Variants in SARM1 observed in about 807,000 individuals in gnomAD.
SARM1 encodes sterile alpha and TIR motif containing 1, also known as NAD(+) hydrolase SARM1.
SARM1 carries 60 observed loss-of-function variants against 65.1 expected under a neutral mutation model. That is an observed-to-expected ratio of 0.92 (90% CI 0.75 to 1.14). The LOEUF is 1.14. Ranked by LOEUF, SARM1 falls within the 50% of genes most tolerant of loss-of-function variation. The pLI, the probability that SARM1 is intolerant of heterozygous loss-of-function variation, is 0.00. For missense variants in SARM1, 913 were observed against 1,015.7 expected (o/e 0.90, Z 1.37); for synonymous variants, 417 against 465.4 (o/e 0.90, Z 1.34).
chr17:28,387,873 G>A, intron 5 of SARM1: 1 of 413,650 alleles, frequency 2.4e-6, no homozygotes, highest in Non-Finnish European at 4.4e-6. Context: ...GGGGTGTGTT[G>A]AATTTGGAGT....
At chr17:28,373,400 T>TG (rs1334206804) in intron 1 of SARM1, 1 of 152,260 alleles carries the variant, frequency 6.6e-6, no homozygotes, top group African/African-American at 2.4e-5. Flanking sequence ...GAAGAGTTTT[T>TG]GGAAGAGTCA....
In SARM1 at chr17:28,400,565, G is replaced by A; in HGVS notation, c.*4279G>A. Reference sequence around the variant, plus strand: ...TGGGAGGAGAAGAGGAAACTTTTAAGAGAAAGGGCTCCATTATGAGCATGG... The same window carrying A: ...TGGGAGGAGAAGAGGAAACTTTTAAAAGAAAGGGCTCCATTATGAGCATGG... On this transcript the variant is annotated 3_prime_UTR_variant, in exon 9 of 9. Coordinates refer to ENST00000585482, the MANE Select transcript of SARM1 (RefSeq NM_015077.4). The A allele has an allele frequency of 6.2e-7, 1 of 1,606,922 alleles. No homozygotes were observed. The highest frequency in any genetic ancestry group is 8.5e-7 in the Non-Finnish European group (1 of 1,176,042).
chr17:28,393,720 T>A (rs1555587243), intron 7 of SARM1, among the ~76,000 whole-genome samples: 1 of 152,250 alleles, frequency 6.6e-6, no homozygotes, highest in East Asian at 1.9e-4. Context: ...TTCTCATTCA[T>A]TCATTCATCC....
rs1182499834 is a variant in SARM1, at chr17:28,397,209, G to C, written c.*923G>C. ...CAGAACCTGCAGCTCTGTGGAAAGA[G>C]GCAAAGTCCTGAAAAGGCAAAGGGT... On this transcript the variant is annotated 3_prime_UTR_variant, in exon 9 of 9. Coordinates refer to ENST00000585482, the MANE Select transcript of SARM1 (RefSeq NM_015077.4). 1 of 152,716 alleles carries C rather than the reference G, an allele frequency of 6.5e-6. No homozygotes were observed. The highest frequency in any genetic ancestry group is 1.5e-5 in the Non-Finnish European group (1 of 68,096). The allele number at this position is 152,716 out of a possible 1,614,324, so 9.5% of individuals were successfully genotyped here. A position where few individuals can be genotyped will look rare whatever the true frequency, so the allele number is the denominator to read the frequency against.
Position 28,388,541 on chromosome 17 carries a change from T to C in SARM1, c.1923+2T>C, listed in dbSNP as rs782432477. ...GACTGCAAGGATTGGGTGCATAAGG[T>C]AGGTGCCTGCCTATGCTTCTGCGGT... is the stretch of plus-strand genomic sequence containing the variant. On this transcript the variant is annotated splice_donor_variant, in intron 7 of 8. Coordinates refer to ENST00000585482, the MANE Select transcript of SARM1 (RefSeq NM_015077.4). LOFTEE classifies it high-confidence loss of function. The C allele has an allele frequency of 6.2e-7, 1 of 1,612,178 alleles. No individual in the cohort carries two copies. The highest frequency in any genetic ancestry group is 1.1e-5 in the South Asian group (1 of 91,068).
chr17:28,384,342 C>T lies in SARM1; in HGVS notation c.1090-15C>T. ...GCTGGTGGGACCTACAGCCCTCTCC[C>T]CACTCCCTCCCTAGGTGTTCAGCGA... is the stretch of plus-strand genomic sequence containing the variant. On this transcript the variant is annotated splice_polypyrimidine_tract_variant and intron_variant, in intron 2 of 8. Transcript: ENST00000585482. This position sits in a 1 kb window ranked among gnomAD's most constrained non-coding sequence, Gnocchi z 4.4. 5 of 1,558,278 alleles carry T rather than the reference C, an allele frequency of 3.2e-6. No homozygotes were observed. Among genetic ancestry groups the T allele is most frequent in the Non-Finnish European group, 4.3e-6 (5 of 1,150,318 alleles).
chr17:28,401,328 T>C lies in SARM1; in HGVS notation c.*5042T>C, dbSNP rs1157181993. 5 of 160,280 alleles carry C rather than the reference T, an allele frequency of 3.1e-5. No individual in the cohort carries two copies. The highest frequency in any genetic ancestry group is 1.2e-4 in the African/African-American group (5 of 41,506). 9.9% of individuals were successfully genotyped at this position (160,280 alleles called of 1,614,324 possible). On this transcript the variant is annotated 3_prime_UTR_variant, in exon 9 of 9. Transcript: ENST00000585482. The stretch of plus-strand genomic sequence containing the variant: ...GAAGTAGCTAGTTAGTAAGGGCTGT[T>C]CTTTTCTCCTGTTTCTCTTGACATC...
chr17:28,388,858 C>A (rs968956261), intron 7 of SARM1, among the ~76,000 whole-genome samples: 11 of 151,596 alleles, frequency 7.3e-5, no homozygotes, highest in Non-Finnish European at 7.4e-5. Context: ...GCAAGCTCCA[C>A]CTCCCGGGTT....
At position 28,388,459 on chromosome 17, in the gene SARM1, C is replaced by T. The variant is rs782159743; in HGVS notation, c.1843C>T (p.Arg615Cys). The T allele has an allele frequency of 2.0e-5, 32 of 1,613,846 alleles. No individual in the cohort carries two copies. The East Asian group carries it at 2.5e-4, about 12-fold the overall frequency. Residue 615 changes from arginine to cysteine, a missense_variant, in exon 7 of 9, where the codon CGC (arginine) becomes TGC (cysteine). Coordinates refer to ENST00000585482, the MANE Select transcript of SARM1 (RefSeq NM_015077.4). ...DKLIQSVMGA[R>C]NFVLVLSPGA... ...ACTCATCCAGAGTGTCATGGGTGCC[C>T]GCAACTTTGTGTTGGTGCTATCACC...
At chr17:28,391,725 A>AG (rs1159368980) in intron 7 of SARM1, among the ~76,000 whole-genome samples, 10 of 139,910 alleles carry the variant, frequency 7.1e-5, no homozygotes, top group Non-Finnish European at 7.8e-5. Flanking sequence ...AAAAAAAAAA[A>AG]AAAGAGAGAG....
intron 1 of SARM1, among the ~76,000 whole-genome samples, chr17:28,375,864 C>G (rs1208052352): frequency 3.3e-5 from 5 of 152,292 alleles, no homozygotes; most frequent in African/African-American, 9.6e-5. Flanking sequence ...ACCAGACCCC[C>G]TCTCTGGAGA....
chr17:28,381,438 C>A lies in SARM1; in HGVS notation c.706C>A (p.His236Asn). 1 of 1,546,066 alleles carries A rather than the reference C, an allele frequency of 6.5e-7. No individual in the cohort carries two copies. Residue 236 changes from histidine to asparagine, a missense_variant, in exon 2 of 9, where the codon CAC becomes AAC. By Grantham distance (68) the His-to-Asn change is moderately conservative. Around this residue, in one of 3 missense-constraint regions of SARM1, gnomAD observed 862 missense variants for 952.1 expected, o/e 0.91. Coordinates refer to ENST00000585482, the MANE Select transcript of SARM1 (RefSeq NM_015077.4). ...GCTGGCGCTGGGCAACTGCGCGCTG[C>A]ACGGGGGCCAGGCGGTGCAGCGACG... ...CALALGNCAL[H>N]GGQAVQRRMV...
At chr17:28,389,711 C>G (rs1437192057) in intron 7 of SARM1, among the ~76,000 whole-genome samples, 5 of 152,122 alleles carry the variant, frequency 3.3e-5, no homozygotes, top group African/African-American at 1.2e-4. Flanking sequence ...CATGGTGAAA[C>G]CTTGTCTCTA....
Position 28,397,570 on chromosome 17 carries a change from A to C in SARM1, c.*1284A>C, listed in dbSNP as rs1555588420. On this transcript the variant is annotated 3_prime_UTR_variant, in exon 9 of 9. Coordinates refer to ENST00000585482, the MANE Select transcript of SARM1 (RefSeq NM_015077.4). ...TAGTGGCAGCCCCAGATCCAGACCT[A>C]GGCCTCCTGGCACCCAGTCCACTGG... 1.3e-5 allele frequency: 2 copies of C among 152,246 alleles called. No homozygotes were observed. 9.4% of individuals were successfully genotyped at this position (152,246 alleles called of 1,614,324 possible).
chr17:28,395,764 G>A (rs2068113313), intron 7 of SARM1, 141 bp from the exon 8 acceptor site: 1 of 808,336 alleles, frequency 1.2e-6, no homozygotes, highest in Non-Finnish European at 2.0e-6. Flanking sequence ...CAAGGGTTAA[G>A]GTAGACATCA....
At chr17:28,381,166 G>A in intron 1 of SARM1, 37 bp from the exon 2 acceptor site, 3 of 1,546,956 alleles carry the variant, frequency 1.9e-6, no homozygotes, top group East Asian at 4.6e-5. Context: ...CCCAAGCTGC[G>A]GCAATTCCAC....
chr17:28,388,864 G>A (rs1258950464), intron 7 of SARM1, among the ~76,000 whole-genome samples: 10 of 150,254 alleles, frequency 6.7e-5, no homozygotes, highest in East Asian at 3.9e-4. Context: ...TCCACCTCCC[G>A]GGTTCACACC....
chr17:28,378,981 G>A (rs2068007254), intron 1 of SARM1, among the ~76,000 whole-genome samples: 2 of 152,304 alleles, frequency 1.3e-5, no homozygotes, highest in Admixed American at 6.5e-5. Context: ...CCCCAAGCTT[G>A]ATACTGATTG....
chr17:28,393,838 G>C (rs781827348), intron 7 of SARM1, among the ~76,000 whole-genome samples: 2 of 152,210 alleles, frequency 1.3e-5, no homozygotes, highest in Admixed American at 1.3e-4. Flanking sequence ...TGGCAGAGAA[G>C]ACAAATACTG....
Sources: allele counts gnomAD v4.1 joint callset (sites outside exome capture counted in the v4.1 genomes callset), GRCh38; gene constraint gnomAD v4.1.1; regional missense constraint gnomAD v4.1.1; non-coding constraint Gnocchi (gnomAD v3.1); transcripts MANE v1.5; gene names NCBI Gene and HGNC (gene_info 2026-07-23, HGNC 2026-07-21).